Variants in OLFM2 observed in about 807,000 individuals in gnomAD.
OLFM2 encodes the protein noelin-2.
A neutral mutation model predicts 43.9 loss-of-function variants in OLFM2; 20 were observed. That is an observed-to-expected ratio of 0.46 (90% CI 0.32 to 0.66). The LOEUF is 0.66. Ranked by LOEUF, OLFM2 falls within the 30% of genes least tolerant of loss-of-function variation. The pLI is 0.04. For synonymous variants in OLFM2, 268 were observed against 278.6 expected, an observed-to-expected ratio of 0.96 and a Z score of 0.38; for missense variants, 416 against 643.6, an observed-to-expected ratio of 0.65 and a Z score of 3.83.
chr19:9,915,239 C>CTCTT (rs1213691481), intron 1 of OLFM2, among the ~76,000 whole-genome samples: 2 of 139,644 alleles, frequency 1.4e-5, no homozygotes. Flanking sequence ...TTTTCTCTCT[C>CTCTT]TTTTTTTTTT....
intron 1 of OLFM2, among the ~76,000 whole-genome samples, chr19:9,895,325 CA>C (rs1037225082): frequency 4.0e-5 from 6 of 149,678 alleles, no homozygotes; most frequent in South Asian, 4.2e-4. Flanking sequence ...CTAACTGTAC[CA>C]AAAAAAAAAT....
intron 1 of OLFM2, among the ~76,000 whole-genome samples, chr19:9,926,932 CT>C (rs1035854149): frequency 3.3e-5 from 5 of 152,254 alleles, no homozygotes; most frequent in African/African-American, 1.2e-4. Flanking sequence ...CTGCAGTGAG[CT>C]GTGATCGCGT....
At chr19:9,867,906 A>AT (rs112454659) in intron 1 of OLFM2, among the ~76,000 whole-genome samples, 37,491 of 148,410 alleles carry the variant, frequency 0.25, 4,748 homozygotes, top group African/African-American at 0.29. Flanking sequence ...TAGAAAAAAA[A>AT]TTTTTTTTTT....
intron 1 of OLFM2, among the ~76,000 whole-genome samples, chr19:9,882,364 C>T (rs1438950851): frequency 6.7e-6 from 1 of 150,364 alleles, no homozygotes; most frequent in Non-Finnish European, 1.5e-5. Flanking sequence ...CAGTGAAACC[C>T]CGTCTCTACT....
chr19:9,855,623 T>A (rs919185890), intron 5 of OLFM2, among the ~76,000 whole-genome samples: 18 of 151,812 alleles, frequency 1.2e-4, no homozygotes, highest in African/African-American at 4.1e-4. Flanking sequence ...AGCCTCGACC[T>A]CCCAGGCTCA....
rs1396428731 is a variant in OLFM2 at position 9,901,581 on chromosome 19, A to G, written c.63+34723T>C. ...CACCTGACTCTGAACTTCCCTCTGTACTCCTTTGAAAAGAGCCTGAGGGCA... is the reference window on the plus strand; with the variant it reads ...CACCTGACTCTGAACTTCCCTCTGTGCTCCTTTGAAAAGAGCCTGAGGGCA... On this transcript the variant is annotated intron_variant, in intron 1 of 5. Transcript: ENST00000264833. Among the ~76,000 whole-genome samples, 45 of 151,850 alleles carry G rather than the reference A, an allele frequency of 3.0e-4. 1 individual carries two copies. The highest frequency in any genetic ancestry group is 7.4e-5 in the Non-Finnish European group (5 of 67,976).
chr19:9,888,804 C>T (rs1015861837), intron 1 of OLFM2, among the ~76,000 whole-genome samples: 2 of 151,950 alleles, frequency 1.3e-5, no homozygotes, highest in Non-Finnish European at 2.9e-5. Context: ...CGGTGGCTCA[C>T]GCCTGTAATC....
At chr19:9,914,774 G>C (rs1383099181) in intron 1 of OLFM2, among the ~76,000 whole-genome samples, 1 of 152,062 alleles carries the variant, frequency 6.6e-6, no homozygotes, top group Non-Finnish European at 1.5e-5. Context: ...CCGCGGAGAG[G>C]AGCGCCGGGC....
intron 1 of OLFM2, among the ~76,000 whole-genome samples, chr19:9,883,538 A>G (rs1197133107): frequency 6.6e-6 from 1 of 152,122 alleles, no homozygotes; most frequent in Non-Finnish European, 1.5e-5. Context: ...GCTGCCGGAG[A>G]GAGGCCCGTG....
chr19:9,865,840 G>T (rs899338878), intron 1 of OLFM2, among the ~76,000 whole-genome samples: 2 of 137,752 alleles, frequency 1.5e-5, no homozygotes, highest in African/African-American at 2.7e-5. Context: ...AAAAAACAAA[G>T]AAAAACATCA....
At chr19:9,874,730 C>T (rs982593543) in intron 1 of OLFM2, among the ~76,000 whole-genome samples, 1 of 152,212 alleles carries the variant, frequency 6.6e-6, no homozygotes, top group East Asian at 1.9e-4. Flanking sequence ...ATCCACCCAC[C>T]CTGGCCTCCC....
chr19:9,927,480 G>A (rs1020055041), intron 1 of OLFM2, among the ~76,000 whole-genome samples: 1 of 152,034 alleles, frequency 6.6e-6, no homozygotes, highest in Non-Finnish European at 1.5e-5. Context: ...TTAGAATCAT[G>A]TAAAATAAGG....
intron 1 of OLFM2, among the ~76,000 whole-genome samples, chr19:9,911,661 C>A (rs1368064772): frequency 6.6e-6 from 1 of 152,156 alleles, no homozygotes; most frequent in Non-Finnish European, 1.5e-5. Flanking sequence ...CACGTTTGCA[C>A]AGATACATAT....
chr19:9,884,344 G>A (rs959119561), intron 1 of OLFM2, among the ~76,000 whole-genome samples: 2 of 151,648 alleles, frequency 1.3e-5, no homozygotes, highest in Admixed American at 1.3e-4. Flanking sequence ...TTGGGAGGCT[G>A]AGGCAGGCGG....
At chr19:9,899,981 G>C (rs996554851) in intron 1 of OLFM2, among the ~76,000 whole-genome samples, 1 of 151,966 alleles carries the variant, frequency 6.6e-6, no homozygotes, top group African/African-American at 2.4e-5. Context: ...CAAGTGCCTT[G>C]TCTCACGTGT....
At chr19:9,920,356 A>G (rs2086412051) in intron 1 of OLFM2, among the ~76,000 whole-genome samples, 1 of 152,086 alleles carries the variant, frequency 6.6e-6, no homozygotes, top group Non-Finnish European at 1.5e-5. Flanking sequence ...TAACACAAGA[A>G]TAGGTGTCTC....
chr19:9,911,569 CATAA>C (rs1383619811), intron 1 of OLFM2, among the ~76,000 whole-genome samples: 2 of 152,120 alleles, frequency 1.3e-5, no homozygotes, highest in East Asian at 1.9e-4. Flanking sequence ...CACACACTTT[CATAA>C]ATACACACTT....
At position 9,897,481 on chromosome 19, in the gene OLFM2, G is replaced by A. The variant is rs1160696579; in HGVS notation, c.64-36687C>T. Reference sequence around the variant, plus strand: ...CCACTGCACTCCAGCCTGGACGACAGAATGAGACTCTGTCTCAAAAATAAA... The same window carrying A: ...CCACTGCACTCCAGCCTGGACGACAAAATGAGACTCTGTCTCAAAAATAAA... On this transcript the variant is annotated intron_variant, in intron 1 of 5. Transcript: ENST00000264833. 2.0e-5 allele frequency among the ~76,000 whole-genome samples: 3 copies of A among 152,250 alleles called. No homozygotes were observed. The East Asian group carries it at 5.8e-4, about 29-fold the overall frequency.
intron 1 of OLFM2, among the ~76,000 whole-genome samples, chr19:9,895,749 C>T (rs1568378997): frequency 6.6e-6 from 1 of 152,108 alleles, no homozygotes; most frequent in Non-Finnish European, 1.5e-5. Flanking sequence ...GATTCTCCTG[C>T]CCCAGCCTAC....
Sources: allele counts gnomAD v4.1 joint callset (sites outside exome capture counted in the v4.1 genomes callset), GRCh38; gene constraint gnomAD v4.1.1; transcripts MANE v1.5; gene names NCBI Gene and HGNC (gene_info 2026-07-23, HGNC 2026-07-21).